Variants in KANSL1 observed in about 807,000 individuals in gnomAD.
KANSL1 encodes the protein MLL1/MLL complex subunit KANSL1.
In KANSL1, 22 loss-of-function variants were observed where a neutral mutation model predicts 103.6. That is an observed-to-expected ratio of 0.21 (90% confidence interval 0.15 to 0.30). KANSL1 has a LOEUF of 0.30. Among genes scored for constraint, KANSL1 ranks in the 10% least tolerant of loss-of-function variants. The pLI is 1.00. For synonymous variants in KANSL1, 600 were observed against 527.6 expected, an observed-to-expected ratio of 1.14 and a Z score of -1.88; for missense variants, 1,337 against 1,399.8, an observed-to-expected ratio of 0.96 and a Z score of 0.72.
intron 2 of KANSL1, among the ~76,000 whole-genome samples, chr17:46,102,334 C>G (rs570219596): frequency 2.0e-4 from 31 of 152,328 alleles, no homozygotes; most frequent in African/African-American, 7.2e-4. Context: ...ACTGCAACCT[C>G]TGCCTCTCGG....
At chr17:46,066,967 A>C (rs1232600604) in intron 5 of KANSL1, among the ~76,000 whole-genome samples, 1 of 152,224 alleles carries the variant, frequency 6.6e-6, no homozygotes, top group African/African-American at 2.4e-5. Flanking sequence ...CATGTCTGAA[A>C]GATAAAAGTC....
chr17:46,153,297 T>C (rs747082830), intron 2 of KANSL1, among the ~76,000 whole-genome samples: 4 of 152,264 alleles, frequency 2.6e-5, no homozygotes, highest in Admixed American at 6.5e-5. Flanking sequence ...GAGCCCTCTT[T>C]AAATTTCCCT....
intron 1 of KANSL1, among the ~76,000 whole-genome samples, chr17:46,180,348 A>G (rs75598814): frequency 6.6e-6 from 1 of 151,912 alleles, no homozygotes; most frequent in South Asian, 2.1e-4. Flanking sequence ...ATACAAAAAA[A>G]TCAGCTGGGT....
intron 2 of KANSL1, among the ~76,000 whole-genome samples, chr17:46,130,187 C>CAAAAAAAA (rs35017603): frequency 1.3e-4 from 10 of 75,458 alleles, no homozygotes; most frequent in African/African-American, 3.2e-4. Context: ...ATCCTGTCTC[C>CAAAAAAAA]AAAAAAAAAA....
chr17:46,198,647 G>A (rs1918784), upstream of KANSL1, among the ~76,000 whole-genome samples: 21,952 of 152,056 alleles, frequency 0.14, 2,138 homozygotes, highest in Non-Finnish European at 0.22. Flanking sequence ...CAGGAGAATC[G>A]CTTGAACCCA....
intron 3 of KANSL1, among the ~76,000 whole-genome samples, chr17:46,086,948 AG>A (rs1236853434): frequency 3.3e-5 from 5 of 152,118 alleles, no homozygotes; most frequent in Admixed American, 6.5e-5. Context: ...TTGTATTTTT[AG>A]TAGAGAAGGG....
chr17:46,104,278 TG>T (rs1231385839), intron 2 of KANSL1, among the ~76,000 whole-genome samples: 1 of 152,134 alleles, frequency 6.6e-6, no homozygotes, highest in African/African-American at 2.4e-5. Context: ...ATAAAAGAAA[TG>T]TAATTGTTTG....
chr17:46,031,516 A>C lies in KANSL1; in HGVS notation c.3278T>G (p.Leu1093Arg). The C allele has an allele frequency of 6.2e-7, 1 of 1,613,682 alleles. No individual in the cohort carries two copies. The highest frequency in any genetic ancestry group is 8.5e-7 in the Non-Finnish European group (1 of 1,179,840). The change falls in exon 15 of 15, where the codon CTG (leucine) becomes CGG (arginine). Residue 1093 changes from leucine to arginine, a missense_variant. This residue lies in a region of KANSL1 where 780 missense variants were observed against 923.4 expected (regional missense o/e 0.84). Transcript: ENST00000432791. ...GCGCTGAGCTGTGGCTGCTGCCACC[A>C]GATGCCGACTCTTGAGGGGGACAAT... ...PPIVPLKSRH[L>R]VAAATAQRPT... is the part of the protein sequence containing the mutation.
At chr17:46,036,717 CTTCT>C (rs1462550611) in intron 10 of KANSL1, among the ~76,000 whole-genome samples, 3 of 149,564 alleles carry the variant, frequency 2.0e-5, no homozygotes, top group South Asian at 2.1e-4. Flanking sequence ...TCTGGCCTAT[CTTCT>C]TTCTTTTTTT....
At chr17:46,137,365 G>C (rs967208964) in intron 2 of KANSL1, among the ~76,000 whole-genome samples, 4 of 152,190 alleles carry the variant, frequency 2.6e-5, no homozygotes, top group Non-Finnish European at 4.4e-5. Flanking sequence ...CTTTTAGAGT[G>C]CATACCTATT....
chr17:46,097,575 C>A (rs1195347787), intron 2 of KANSL1, among the ~76,000 whole-genome samples: 2 of 152,166 alleles, frequency 1.3e-5, no homozygotes, highest in Non-Finnish European at 2.9e-5. Context: ...TGTAAAAAAA[C>A]AAAGATGGAA....
intron 10 of KANSL1, chr17:46,038,288 A>C: frequency 1.9e-6 from 1 of 524,640 alleles, no homozygotes. Flanking sequence ...TCCCTGCATC[A>C]AGCTTTCTAT....
At chr17:46,138,974 C>A (rs558066442) in intron 2 of KANSL1, among the ~76,000 whole-genome samples, 37 of 152,212 alleles carry the variant, frequency 2.4e-4, no homozygotes, top group Non-Finnish European at 4.4e-4. Flanking sequence ...GCTTATGAAT[C>A]AATCCTAAAG....
chr17:46,105,936 CA>C (rs1567680722), intron 2 of KANSL1, among the ~76,000 whole-genome samples: 12 of 77,660 alleles, frequency 1.5e-4, no homozygotes, highest in African/African-American at 4.8e-4. Flanking sequence ...CACACACACA[CA>C]CACACACACA....
intron 2 of KANSL1, among the ~76,000 whole-genome samples, chr17:46,135,544 T>C (rs2044091722): frequency 7.1e-5 from 2 of 28,222 alleles, no homozygotes; most frequent in Non-Finnish European, 1.3e-4. Flanking sequence ...AACTATACAT[T>C]TTTTTTTTTT....
intron 4 of KANSL1, among the ~76,000 whole-genome samples, chr17:46,072,464 C>A (rs182203131): frequency 6.6e-6 from 1 of 152,208 alleles, no homozygotes; most frequent in African/African-American, 2.4e-5. Flanking sequence ...AACTGGGTGA[C>A]AGGAATTTAA....
At chr17:46,134,977 G>A (rs969747294) in intron 2 of KANSL1, among the ~76,000 whole-genome samples, 2 of 152,182 alleles carry the variant, frequency 1.3e-5, no homozygotes, top group Non-Finnish European at 2.9e-5. Flanking sequence ...GACCAGTAGG[G>A]GTTGGAGTAT....
chr17:46,039,231 GAA>G lies in KANSL1; in HGVS notation c.2204-18_2204-17del. On this transcript the variant is annotated splice_polypyrimidine_tract_variant and intron_variant, in intron 8 of 14. Transcript: ENST00000432791. The stretch of plus-strand genomic sequence containing the variant: ...TGGGACAGCTCTGAAGAGGGGAACA[GAA>G]AAAGAGCTGTGAAATATGTCCTCTC... 1.3e-6 allele frequency: 2 copies of G among 1,543,424 alleles called. No homozygotes were observed. The highest frequency in any genetic ancestry group is 1.7e-6 in the Non-Finnish European group (2 of 1,150,726).
chr17:46,055,465 CA>C (rs34767403), intron 6 of KANSL1, among the ~76,000 whole-genome samples: 185 of 119,888 alleles, frequency 1.5e-3, no homozygotes, highest in Non-Finnish European at 1.6e-3. Flanking sequence ...AACTCCCTCT[CA>C]AAAAAAAAAA....
Sources: gnomAD v4.1 joint callset for allele counts (sites outside exome capture counted in the v4.1 genomes callset) on GRCh38, gnomAD v4.1.1 for gene constraint, gnomAD v4.1.1 regional missense constraint, MANE v1.5 for transcripts, NCBI Gene and HGNC (gene_info 2026-07-23, HGNC 2026-07-21) for gene names.